Variants in TBC1D32 observed in about 807,000 individuals in gnomAD.
TBC1D32 encodes protein broad-minded.
Under a neutral mutation model 170.3 loss-of-function variants are expected in TBC1D32, and 151 were observed. The ratio of observed to expected loss-of-function variants is 0.89; its 90% CI spans 0.78 to 1.01. TBC1D32 has a LOEUF of 1.01. Ranked by LOEUF, TBC1D32 falls within the 50% of genes least tolerant of loss-of-function variation. TBC1D32 has a pLI of 0.00. For missense variants in TBC1D32, 1,464 were observed against 1,457.1 expected (o/e 1.00, Z -0.08); for synonymous variants, 498 against 488.0 (o/e 1.02, Z -0.27).
At chr6:121,168,166 G>T (rs1394017488) in intron 22 of TBC1D32, among the ~76,000 whole-genome samples, 1 of 71,254 alleles carries the variant, frequency 1.4e-5, no homozygotes, top group Non-Finnish European at 2.5e-5. Context: ...ATTCCTCAGG[G>T]ATCTAGAACT....
chr6:121,197,386 G>A (rs1306298289), intron 22 of TBC1D32, among the ~76,000 whole-genome samples: 2 of 152,130 alleles, frequency 1.3e-5, no homozygotes, highest in African/African-American at 4.8e-5. Context: ...ATACAGAATG[G>A]GTAGTAGGAG....
At chr6:121,241,833 T>G (rs1797018353) in intron 18 of TBC1D32, among the ~76,000 whole-genome samples, 1 of 152,312 alleles carries the variant, frequency 6.6e-6, no homozygotes, top group South Asian at 2.1e-4. Flanking sequence ...ATATTTTTGT[T>G]TCCTTTAAAA....
intron 25 of TBC1D32, among the ~76,000 whole-genome samples, chr6:121,128,978 C>T (rs1241878427): frequency 6.6e-6 from 1 of 152,126 alleles, no homozygotes; most frequent in Admixed American, 6.5e-5. Flanking sequence ...AGCTGTCCTT[C>T]CCTGTATTTC....
chr6:121,183,792 G>A (rs114785815), intron 22 of TBC1D32, among the ~76,000 whole-genome samples: 1,892 of 152,036 alleles, frequency 0.012, 38 homozygotes, highest in African/African-American at 0.043. Flanking sequence ...AGTACAAGAC[G>A]TCAATGGAGA....
At chr6:121,236,717 T>C (rs894643615) in intron 20 of TBC1D32, among the ~76,000 whole-genome samples, 2 of 152,126 alleles carry the variant, frequency 1.3e-5, no homozygotes, top group Non-Finnish European at 2.9e-5. Context: ...TAACCTTCTA[T>C]TTGAATTATA....
intron 1 of TBC1D32, among the ~76,000 whole-genome samples, chr6:121,330,263 G>T (rs145493196): frequency 1.5e-3 from 224 of 152,150 alleles, no homozygotes; most frequent in African/African-American, 5.2e-3. Flanking sequence ...TGAACTCCTG[G>T]TGTTAAGTGA....
chr6:121,109,028 G>C (rs750349411), intron 29 of TBC1D32, among the ~76,000 whole-genome samples: 1 of 151,944 alleles, frequency 6.6e-6, no homozygotes, highest in Non-Finnish European at 1.5e-5. Context: ...AAACTGAATC[G>C]GCAAATATGA....
At position 121,283,836 on chromosome 6, in the gene TBC1D32, T is replaced by C. The variant is rs1260674500; in HGVS notation, c.1447A>G (p.Thr483Ala). The change falls in exon 13 of 32, where the codon ACA becomes GCA. Residue 483 changes from threonine (T) to alanine (A), a missense_variant. Coordinates refer to ENST00000398212, the MANE Select transcript of TBC1D32 (RefSeq NM_152730.6). Reference sequence around the variant, plus strand: ...GAATTACCTGAATGGGCAGCTGATGTCATCTTTGGACAACTTGGTGAGTAA... The same window carrying C: ...GAATTACCTGAATGGGCAGCTGATGCCATCTTTGGACAACTTGGTGAGTAA... ...IYYSPSCPKM[T>A]SAAHSENYSP... The C allele has an allele frequency of 6.2e-7, 1 of 1,609,176 alleles. No homozygotes were observed.
At chr6:121,318,083 C>CT in intron 2 of TBC1D32, among the ~76,000 whole-genome samples, 1 of 152,042 alleles carries the variant, frequency 6.6e-6, no homozygotes, top group East Asian at 1.9e-4. Context: ...CTCCACCCCC[C>CT]TATCCTTTAT....
intron 12 of TBC1D32, among the ~76,000 whole-genome samples, chr6:121,286,545 T>C (rs1345297040): frequency 1.3e-5 from 2 of 151,972 alleles, no homozygotes; most frequent in East Asian, 3.9e-4. Flanking sequence ...CTGAAAGTGA[T>C]GGGGAGAATG....
At chr6:121,220,866 C>T (rs936533961) in intron 21 of TBC1D32, among the ~76,000 whole-genome samples, 1 of 152,016 alleles carries the variant, frequency 6.6e-6, no homozygotes, top group Non-Finnish European at 1.5e-5. Context: ...CTCTCGAACT[C>T]CAGACCTCAG....
At chr6:121,084,498 G>A (rs924952744) in intron 31 of TBC1D32, among the ~76,000 whole-genome samples, 1 of 152,042 alleles carries the variant, frequency 6.6e-6, no homozygotes, top group Non-Finnish European at 1.5e-5. Flanking sequence ...GGCCTATCAT[G>A]GATTACTGAC....
chr6:121,086,476 C>T (rs1052935122), intron 31 of TBC1D32, among the ~76,000 whole-genome samples: 1 of 151,844 alleles, frequency 6.6e-6, no homozygotes, highest in Admixed American at 6.6e-5. Flanking sequence ...TTTCTCAGTC[C>T]GATCTTCATT....
intron 10 of TBC1D32, among the ~76,000 whole-genome samples, chr6:121,296,281 C>T (rs75004562): frequency 0.033 from 4,998 of 152,166 alleles, 195 homozygotes; most frequent in East Asian, 0.12. Context: ...TTATAAATGA[C>T]AGCTGAGAGC....
chr6:121,100,914 G>A (rs868438868), intron 30 of TBC1D32, among the ~76,000 whole-genome samples: 14 of 151,856 alleles, frequency 9.2e-5, no homozygotes, highest in African/African-American at 1.7e-4. Context: ...TATCAACACC[G>A]ATCCCACAGA....
intron 21 of TBC1D32, among the ~76,000 whole-genome samples, chr6:121,212,810 T>A (rs1793263582): frequency 6.6e-6 from 1 of 152,050 alleles, no homozygotes; most frequent in African/African-American, 2.4e-5. Flanking sequence ...AACAAAATAC[T>A]TGCAAACAAA....
At chr6:121,157,728 A>G (rs1785093354) in intron 24 of TBC1D32, among the ~76,000 whole-genome samples, 2 of 152,192 alleles carry the variant, frequency 1.3e-5, no homozygotes, top group South Asian at 4.1e-4. Context: ...GTAGTTGCTT[A>G]TCTGAGAAGG....
intron 22 of TBC1D32, chr6:121,170,457 T>C (rs1025446100): frequency 1.2e-6 from 2 of 1,608,232 alleles, no homozygotes; most frequent in Non-Finnish European, 1.7e-6. Context: ...TTTAGTAACA[T>C]TTCAGATACC....
chr6:121,331,019 T>C (rs2128517241), intron 1 of TBC1D32, among the ~76,000 whole-genome samples: 1 of 152,324 alleles, frequency 6.6e-6, no homozygotes, highest in South Asian at 2.1e-4. Context: ...GTATGTTAGC[T>C]GTCCCATAAA....
Sources: gnomAD v4.1 joint callset for allele counts (sites outside exome capture counted in the v4.1 genomes callset) on GRCh38, gnomAD v4.1.1 for gene constraint, MANE v1.5 for transcripts, NCBI Gene and HGNC (gene_info 2026-07-23, HGNC 2026-07-21) for gene names.